GLIS3: variants seen among roughly 807,000 people sequenced by gnomAD.
GLIS3 encodes zinc finger protein GLIS3.
GLIS3 carries 53 observed loss-of-function variants against 78.6 expected under a neutral mutation model. That is an observed-to-expected ratio of 0.67 (90% CI 0.54 to 0.85). The LOEUF (loss-of-function observed/expected upper bound fraction) is 0.85. Among genes scored for constraint, GLIS3 ranks in the 40% least tolerant of loss-of-function variants. The probability of loss-of-function intolerance (pLI) is 0.00; values close to 1 mark genes in which losing one functional copy is unlikely to be tolerated. For missense variants in GLIS3, 1,703 were observed against 1,231.1 expected, an observed-to-expected ratio of 1.38 and a Z score of -5.74; for synonymous variants, 684 against 509.9, an observed-to-expected ratio of 1.34 and a Z score of -4.60.
At chr9:4,344,200 T>G (rs1447269142) in intron 2 of GLIS3, among the ~76,000 whole-genome samples, 1 of 152,002 alleles carries the variant, frequency 6.6e-6, no homozygotes. Flanking sequence ...CCGATAAAAT[T>G]CATATTCACC....
intron 7 of GLIS3, among the ~76,000 whole-genome samples, chr9:3,889,853 C>G (rs1208779943): frequency 3.2e-4 from 49 of 152,276 alleles, no homozygotes; most frequent in Non-Finnish European, 7.4e-5. Context: ...ACGGGGCAGG[C>G]CAGATTTGGC....
chr9:3,906,230 G>A (rs1033155270), intron 6 of GLIS3, among the ~76,000 whole-genome samples: 1 of 152,198 alleles, frequency 6.6e-6, no homozygotes, highest in African/African-American at 2.4e-5. Context: ...AGGAAACAAA[G>A]TGGTTTATCT....
At chr9:4,147,956 C>G (rs1834358773) in intron 2 of GLIS3, among the ~76,000 whole-genome samples, 1 of 152,176 alleles carries the variant, frequency 6.6e-6, no homozygotes, top group Admixed American at 6.5e-5. Flanking sequence ...TCATTTTGCA[C>G]ACATCTCTAT....
chr9:4,364,533 T>G, the GLIS3 span, among the ~76,000 whole-genome samples: 1 of 152,006 alleles, frequency 6.6e-6, no homozygotes, highest in African/African-American at 2.4e-5. Context: ...GTGAATAAAG[T>G]CAGGTTACAA....
chr9:4,308,107 G>A (rs562867274), intron 4 of GLIS3, among the ~76,000 whole-genome samples: 14 of 152,092 alleles, frequency 9.2e-5, no homozygotes, highest in Non-Finnish European at 1.9e-4. Flanking sequence ...GCCTGGCCAC[G>A]TGCATCCCAT....
chr9:4,120,166 AAAG>A (rs1375640751), intron 3 of GLIS3, among the ~76,000 whole-genome samples: 3 of 152,244 alleles, frequency 2.0e-5, no homozygotes, highest in Non-Finnish European at 4.4e-5. Flanking sequence ...AACTGAGGTA[AAAG>A]AAGCATTTTC....
intron 4 of GLIS3, among the ~76,000 whole-genome samples, chr9:4,114,668 C>T (rs1006276248): frequency 9.2e-5 from 14 of 152,078 alleles, no homozygotes; most frequent in African/African-American, 2.2e-4. Flanking sequence ...TGGCATATCC[C>T]GGTTTCTGAC....
At chr9:4,303,964 A>G (rs183962119), upstream of GLIS3, among the ~76,000 whole-genome samples, 184 of 152,368 alleles carry the variant, frequency 1.2e-3, 2 homozygotes, top group African/African-American at 3.3e-3. Flanking sequence ...ATGCCATCTT[A>G]TCTATAACTA....
intron 2 of GLIS3, among the ~76,000 whole-genome samples, chr9:4,312,975 C>G (rs1480701882): frequency 1.3e-5 from 2 of 152,224 alleles, no homozygotes; most frequent in Admixed American, 1.3e-4. Flanking sequence ...ATTAAATCAC[C>G]TCCCCAGGAT....
intron 2 of GLIS3, among the ~76,000 whole-genome samples, chr9:4,232,619 T>G (rs1267174122): frequency 6.6e-6 from 1 of 152,138 alleles, no homozygotes; most frequent in Non-Finnish European, 1.5e-5. Flanking sequence ...TCCTAAACAT[T>G]ATACCAGTAC....
chr9:3,992,609 C>G (rs1820407930), intron 4 of GLIS3, among the ~76,000 whole-genome samples: 1 of 152,146 alleles, frequency 6.6e-6, no homozygotes, highest in Non-Finnish European at 1.5e-5. Flanking sequence ...AAGGAGTAAA[C>G]AGTATTAAAG....
chr9:4,474,764 A>T, the GLIS3 span, among the ~76,000 whole-genome samples: 1 of 142,118 alleles, frequency 7.0e-6, no homozygotes, highest in Non-Finnish European at 1.5e-5. Context: ...TGGCATGAAC[A>T]TGGCTCACTG....
intron 4 of GLIS3, among the ~76,000 whole-genome samples, chr9:4,061,566 T>A (rs371016066): frequency 2.0e-5 from 3 of 152,102 alleles, no homozygotes; most frequent in African/African-American, 7.2e-5. Context: ...TAAATAGCCA[T>A]AAAATGGTTT....
rs977824503 is a variant in GLIS3 at position 3,826,660 on chromosome 9, C to A, written c.*1612G>T. On this transcript the variant is annotated 3_prime_UTR_variant, in exon 11 of 11. Coordinates refer to ENST00000381971, the MANE Select transcript of GLIS3 (RefSeq NM_001042413.2). ...ACTCTGGAATCAGGTAGAATACTTCCGCTTGTGGGACTGTGGAGGGAGACT... is the reference window on the plus strand; with the variant it reads ...ACTCTGGAATCAGGTAGAATACTTCAGCTTGTGGGACTGTGGAGGGAGACT... 1 of 152,130 alleles carries A rather than the reference C, an allele frequency of 6.6e-6. No individual in the cohort carries two copies. The highest frequency in any genetic ancestry group is 2.4e-5 in the African/African-American group (1 of 41,438). The allele number at this position is 152,130 out of a possible 1,614,324, so 9.4% of individuals were successfully genotyped here. A position where few individuals can be genotyped will look rare whatever the true frequency, so the allele number is the denominator to read the frequency against.
At chr9:3,936,911 G>T in intron 5 of GLIS3, 117 bp downstream of exon 5, 1 of 1,385,566 alleles carries the variant, frequency 7.2e-7, no homozygotes, top group Non-Finnish European at 1.0e-6. Context: ...GCTGCCCTTG[G>T]CATTGTCCCT....
At chr9:4,159,544 C>A (rs1483519071) in intron 2 of GLIS3, among the ~76,000 whole-genome samples, 1 of 152,056 alleles carries the variant, frequency 6.6e-6, no homozygotes, top group African/African-American at 2.4e-5. Flanking sequence ...CACGGTGAAA[C>A]CCCGTCTCTA....
At chr9:3,854,703 AT>A (rs34986459) in intron 9 of GLIS3, among the ~76,000 whole-genome samples, 62,633 of 147,774 alleles carry the variant, frequency 0.42, 13,477 homozygotes, top group South Asian at 0.48. Flanking sequence ...CGCCTGGCTA[AT>A]TTTTTTTTTT....
At chr9:3,914,260 C>T (rs548434775) in intron 6 of GLIS3, among the ~76,000 whole-genome samples, 1 of 152,096 alleles carries the variant, frequency 6.6e-6, no homozygotes, top group Non-Finnish European at 1.5e-5. Context: ...ATCCTCCCAT[C>T]TCAGCCTCCT....
At chr9:4,327,181 A>G (rs1817613700) in intron 2 of GLIS3, among the ~76,000 whole-genome samples, 1 of 152,122 alleles carries the variant, frequency 6.6e-6, no homozygotes, top group Admixed American at 6.5e-5. Flanking sequence ...GAGAGTGTCC[A>G]GTGTCCCAGG....
Sources: gnomAD v4.1 joint callset for allele counts (sites outside exome capture counted in the v4.1 genomes callset) on GRCh38, gnomAD v4.1.1 for gene constraint, MANE v1.5 for transcripts, NCBI Gene and HGNC (gene_info 2026-07-23, HGNC 2026-07-21) for gene names.